KCNK1: variants seen among roughly 807,000 people sequenced by gnomAD.
The protein encoded by KCNK1 is potassium two pore domain channel subfamily K member 1, also known as potassium channel subfamily K member 1.
Under a neutral mutation model 22.2 loss-of-function variants are expected in KCNK1, and 10 were observed. That is an observed-to-expected ratio of 0.45 (90% CI 0.28 to 0.76). The LOEUF is 0.76. KCNK1 is among the 30% of genes least tolerant of loss of function. The pLI is 0.14. For missense variants in KCNK1, 378 were observed against 421.0 expected (o/e 0.90, Z 0.89); for synonymous variants, 200 against 186.4 (o/e 1.07, Z -0.60).
intron 1 of KCNK1, among the ~76,000 whole-genome samples, chr1:233,637,774 AT>A (rs1231263596): frequency 1.3e-5 from 2 of 152,210 alleles, no homozygotes; most frequent in East Asian, 3.9e-4. Context: ...AGCAAACCCA[AT>A]TCAATCATTG....
At chr1:233,638,120 T>C (rs1429865292) in intron 1 of KCNK1, among the ~76,000 whole-genome samples, 1 of 152,094 alleles carries the variant, frequency 6.6e-6, no homozygotes, top group African/African-American at 2.4e-5. Flanking sequence ...CTATTCACCT[T>C]TGTTAGCTTA....
intron 1 of KCNK1, among the ~76,000 whole-genome samples, chr1:233,638,312 T>A (rs1315905968): frequency 6.6e-6 from 1 of 151,698 alleles, no homozygotes; most frequent in Admixed American, 6.6e-5. Flanking sequence ...AGGAAAAAAA[T>A]AATTAATTTT....
At chr1:233,631,250 A>G (rs775728606) in intron 1 of KCNK1, 1 of 530,532 alleles carries the variant, frequency 1.9e-6, no homozygotes, top group East Asian at 5.5e-5. Context: ...TCCCTTTGCC[A>G]CCAGGTGCGG....
At chr1:233,625,574 T>C (rs1348181833) in intron 1 of KCNK1, among the ~76,000 whole-genome samples, 1 of 152,176 alleles carries the variant, frequency 6.6e-6, no homozygotes, top group Non-Finnish European at 1.5e-5. Context: ...TATCATTTTC[T>C]GAGCTCCAGC....
Position 233,671,597 on chromosome 1 carries a change from T to A in KCNK1, c.*67T>A, listed in dbSNP as rs1658600091. 1.3e-6 allele frequency: 2 copies of A among 1,553,994 alleles called. No individual in the cohort carries two copies. The highest frequency in any genetic ancestry group is 1.9e-5 in the Admixed American group (1 of 53,796). On this transcript the variant is annotated 3_prime_UTR_variant, in exon 3 of 3. Transcript: ENST00000366621. ...GTGCAAGGAAGAGGCTTAAGTATGT[T>A]CATTTTTATCAGAATGCAAAAGCGA...
chr1:233,631,524 G>A, intron 1 of KCNK1: 2 of 333,264 alleles, frequency 6.0e-6, no homozygotes, highest in Non-Finnish European at 5.9e-6. Flanking sequence ...ATTTCTCCCT[G>A]CTTGTAGACA....
chr1:233,633,319 T>C (rs1454393521), intron 1 of KCNK1, among the ~76,000 whole-genome samples: 1 of 151,846 alleles, frequency 6.6e-6, no homozygotes, highest in East Asian at 1.9e-4. Context: ...GAAAGCTCCA[T>C]TGGAGTATGT....
intron 1 of KCNK1, among the ~76,000 whole-genome samples, chr1:233,626,007 A>G (rs1558108790): frequency 6.6e-6 from 1 of 152,058 alleles, no homozygotes; most frequent in Non-Finnish European, 1.5e-5. Flanking sequence ...ATTTTGAGCA[A>G]AGGGTTGACA....
intron 1 of KCNK1, among the ~76,000 whole-genome samples, chr1:233,618,761 G>A (rs1000744097): frequency 2.0e-5 from 3 of 152,088 alleles, no homozygotes; most frequent in Non-Finnish European, 4.4e-5. Context: ...GCATGCACCT[G>A]TAGTTCCAGC....
At chr1:233,653,460 AACATT>A (rs56300617) in intron 1 of KCNK1, among the ~76,000 whole-genome samples, 39,613 of 151,880 alleles carry the variant, frequency 0.26, 5,265 homozygotes, top group African/African-American at 0.31. Context: ...TAGCTGGTAA[AACATT>A]ACATCTGGGT....
chr1:233,636,703 T>G lies in KCNK1; in HGVS notation c.355+22177T>G, dbSNP rs1377384335. On this transcript the variant is annotated intron_variant, in intron 1 of 2. Coordinates refer to ENST00000366621, the MANE Select transcript of KCNK1 (RefSeq NM_002245.4). Reference sequence around the variant, plus strand: ...CATTAGATATCTGAACAGGGAGGAATCGGATCACAAGACTGGGGGGTGGTT... The same window carrying G: ...CATTAGATATCTGAACAGGGAGGAAGCGGATCACAAGACTGGGGGGTGGTT... The G allele has an allele frequency of 2.0e-5, 3 of 152,382 alleles. No homozygotes were observed. In the East Asian group the frequency reaches 5.8e-4, roughly 29 times the overall value. The allele number at this position is 152,382 out of a possible 1,614,324, so 9.4% of individuals were successfully genotyped here. A position where few individuals can be genotyped will look rare whatever the true frequency, so the allele number is the denominator to read the frequency against.
chr1:233,665,425 G>C (rs1658471686), intron 1 of KCNK1, among the ~76,000 whole-genome samples: 1 of 152,222 alleles, frequency 6.6e-6, no homozygotes, highest in Non-Finnish European at 1.5e-5. Flanking sequence ...TCGGTAGTCA[G>C]AGCTGCAGGC....
intron 1 of KCNK1, among the ~76,000 whole-genome samples, chr1:233,648,799 T>C (rs1248181680): frequency 6.6e-6 from 1 of 152,118 alleles, no homozygotes; most frequent in Non-Finnish European, 1.5e-5. Flanking sequence ...ACTCCTAACC[T>C]CAGGTGATCC....
At chr1:233,666,349 C>T (rs989021524) in intron 1 of KCNK1, among the ~76,000 whole-genome samples, 1 of 152,132 alleles carries the variant, frequency 6.6e-6, no homozygotes, top group African/African-American at 2.4e-5. Flanking sequence ...ACCAGAGACC[C>T]TGATGTGTTG....
chr1:233,621,483 A>G (rs1657585143), intron 1 of KCNK1, among the ~76,000 whole-genome samples: 1 of 152,216 alleles, frequency 6.6e-6, no homozygotes, highest in African/African-American at 2.4e-5. Flanking sequence ...TAGTCTTGCA[A>G]CGAACAATTT....
chr1:233,619,498 T>G (rs758034129), intron 1 of KCNK1, among the ~76,000 whole-genome samples: 9 of 152,186 alleles, frequency 5.9e-5, no homozygotes, highest in Non-Finnish European at 1.2e-4. Context: ...TAGGTAGTTT[T>G]CAAATAAAGA....
At chr1:233,633,938 A>T (rs985247360) in intron 1 of KCNK1, among the ~76,000 whole-genome samples, 3 of 152,188 alleles carry the variant, frequency 2.0e-5, no homozygotes, top group African/African-American at 7.2e-5. Flanking sequence ...GGGTACAAAA[A>T]AATTGTGAAG....
At chr1:233,665,689 A>G (rs567193750) in intron 1 of KCNK1, among the ~76,000 whole-genome samples, 14 of 151,724 alleles carry the variant, frequency 9.2e-5, no homozygotes, top group African/African-American at 3.4e-4. Flanking sequence ...CAGTGGGGGC[A>G]GAGCCTTCCC....
At chr1:233,659,758 T>C (rs1014555588) in intron 1 of KCNK1, among the ~76,000 whole-genome samples, 1 of 152,098 alleles carries the variant, frequency 6.6e-6, no homozygotes, top group Non-Finnish European at 1.5e-5. Flanking sequence ...CTGTCATATA[T>C]GTGGCCCATT....
Sources: gnomAD v4.1 joint callset for allele counts (sites outside exome capture counted in the v4.1 genomes callset) on GRCh38, gnomAD v4.1.1 for gene constraint, MANE v1.5 for transcripts, NCBI Gene and HGNC (gene_info 2026-07-23, HGNC 2026-07-21) for gene names.